Variants in EYS observed in about 807,000 individuals in gnomAD.
EYS encodes EGF-like photoreceptor maintenance factor, also known as protein eyes shut homolog.
A neutral mutation model predicts 282.1 loss-of-function variants in EYS; 250 were observed. The ratio of observed to expected loss-of-function variants is 0.89; its 90% CI spans 0.80 to 0.98. EYS has a LOEUF of 0.98. Ranked by LOEUF, EYS falls within the 50% of genes least tolerant of loss-of-function variation. The pLI, the probability that EYS is intolerant of heterozygous loss-of-function variation, is 0.00. For missense variants in EYS, 4,016 were observed against 3,709.0 expected (o/e 1.08, Z -2.15); for synonymous variants, 1,355 against 1,282.9 (o/e 1.06, Z -1.20).
chr6:64,316,545 G>A (rs1437508237), intron 29 of EYS, among the ~76,000 whole-genome samples: 4 of 151,890 alleles, frequency 2.6e-5, no homozygotes, highest in East Asian at 1.9e-4. Context: ...TACCAAACAC[G>A]GCTCAAGGAA....
At chr6:65,528,169 T>C (rs1582417963) in intron 2 of EYS, among the ~76,000 whole-genome samples, 1 of 152,162 alleles carries the variant, frequency 6.6e-6, no homozygotes, top group East Asian at 1.9e-4. Context: ...GTAGAAATAA[T>C]TTATATTTCA....
At chr6:63,766,664 A>G (rs1582186834) in intron 40 of EYS, among the ~76,000 whole-genome samples, 2 of 152,166 alleles carry the variant, frequency 1.3e-5, no homozygotes, top group South Asian at 4.1e-4. Flanking sequence ...TAGTTTCTCT[A>G]TTATGTTATA....
intron 41 of EYS, among the ~76,000 whole-genome samples, chr6:63,742,457 G>T (rs1264430039): frequency 1.3e-5 from 2 of 152,258 alleles, no homozygotes; most frequent in East Asian, 3.9e-4. Context: ...CACAGCCAAT[G>T]TCAGCTCAGC....
intron 22 of EYS, among the ~76,000 whole-genome samples, chr6:64,706,895 A>T (rs1014853066): frequency 2.0e-5 from 3 of 152,180 alleles, no homozygotes; most frequent in African/African-American, 7.2e-5. Flanking sequence ...CCACTGTGGA[A>T]AACAATGTGG....
intron 28 of EYS, among the ~76,000 whole-genome samples, chr6:64,397,518 T>C (rs1773417967): frequency 6.6e-6 from 1 of 151,160 alleles, no homozygotes; most frequent in East Asian, 1.9e-4. Flanking sequence ...TTTTGTCACA[T>C]TGTATTTTTT....
At chr6:64,902,532 C>A in intron 16 of EYS, 32 bp from the exon 17 acceptor site, 1 of 1,295,942 alleles carries the variant, frequency 7.7e-7, no homozygotes, top group South Asian at 1.5e-5. Context: ...TATGGATGAG[C>A]AATCCTTGTT....
At chr6:65,212,590 C>A (rs1008942264) in intron 12 of EYS, among the ~76,000 whole-genome samples, 2 of 152,028 alleles carry the variant, frequency 1.3e-5, no homozygotes, top group African/African-American at 4.8e-5. Flanking sequence ...AGTCACATTT[C>A]AAGGGCTTAA....
At chr6:65,034,156 C>T (rs932016079) in intron 13 of EYS, among the ~76,000 whole-genome samples, 3 of 152,104 alleles carry the variant, frequency 2.0e-5, no homozygotes, top group South Asian at 2.1e-4. Context: ...CAATGTTTAC[C>T]CAATGCCTAT....
chr6:64,321,272 T>G (rs1770211037), intron 29 of EYS, among the ~76,000 whole-genome samples: 1 of 151,754 alleles, frequency 6.6e-6, no homozygotes, highest in Non-Finnish European at 1.5e-5. Flanking sequence ...TTTACTTTAT[T>G]GCTCTCCTAT....
At position 64,166,952 on chromosome 6, in the gene EYS, G is replaced by A. The variant is rs576126162; in HGVS notation, c.6424+63640C>T. On this transcript the variant is annotated intron_variant, in intron 31 of 42. Transcript: ENST00000503581. Reference sequence around the variant, plus strand: ...CTGTGATAAAAATTTTGCTAAAGTTGTAGAATCACAGTTTATAAAATAACA... The same window carrying A: ...CTGTGATAAAAATTTTGCTAAAGTTATAGAATCACAGTTTATAAAATAACA... Among the ~76,000 whole-genome samples the A allele has an allele frequency of 5.9e-5, 9 of 152,274 alleles. No individual in the cohort carries two copies. The South Asian group carries it at 1.9e-3, about 32-fold the overall frequency.
At chr6:65,093,384 A>G (rs1324864692) in intron 12 of EYS, among the ~76,000 whole-genome samples, 1 of 152,034 alleles carries the variant, frequency 6.6e-6, no homozygotes, top group East Asian at 1.9e-4. Context: ...ATACTGTAAT[A>G]CCATAATGAT....
intron 14 of EYS, among the ~76,000 whole-genome samples, 198 bp from the exon 15 acceptor site, chr6:64,946,112 T>C (rs369269135): frequency 6.6e-6 from 1 of 152,036 alleles, no homozygotes; most frequent in East Asian, 1.9e-4. Flanking sequence ...TCTAATTAAA[T>C]AAAGTTTTGT....
At chr6:64,189,129 G>A (rs1437736049) in intron 31 of EYS, among the ~76,000 whole-genome samples, 2 of 127,372 alleles carry the variant, frequency 1.6e-5, no homozygotes, top group African/African-American at 5.2e-5. Flanking sequence ...GCCCTGTTTT[G>A]AGAATAGCTG....
At chr6:65,066,364 C>G (rs1773747017) in intron 12 of EYS, among the ~76,000 whole-genome samples, 1 of 152,118 alleles carries the variant, frequency 6.6e-6, no homozygotes, top group Non-Finnish European at 1.5e-5. Flanking sequence ...TTGGTAATAA[C>G]AAGATTACTC....
intron 26 of EYS, among the ~76,000 whole-genome samples, chr6:64,473,324 C>T (rs1439349452): frequency 6.6e-6 from 1 of 152,060 alleles, no homozygotes; most frequent in Non-Finnish European, 1.5e-5. Flanking sequence ...CAGCATTTAT[C>T]TTAATGTGAA....
intron 35 of EYS, among the ~76,000 whole-genome samples, chr6:63,945,516 T>C (rs1183886621): frequency 6.6e-6 from 1 of 152,122 alleles, no homozygotes; most frequent in African/African-American, 2.4e-5. Context: ...TGGCAAAATA[T>C]TCAGAGTAAT....
chr6:64,571,608 C>T (rs575999574), intron 26 of EYS, among the ~76,000 whole-genome samples: 10 of 152,090 alleles, frequency 6.6e-5, no homozygotes, highest in Non-Finnish European at 1.5e-4. Context: ...CACCACTGAT[C>T]CCACAGAAAT....
At chr6:64,369,588 G>A (rs913716517) in intron 29 of EYS, among the ~76,000 whole-genome samples, 5 of 151,984 alleles carry the variant, frequency 3.3e-5, no homozygotes, top group Admixed American at 3.3e-4. Flanking sequence ...GTTTCTTTGA[G>A]CAATGATTTG....
At chr6:65,259,961 C>T (rs72883272) in intron 12 of EYS, among the ~76,000 whole-genome samples, 6 of 151,896 alleles carry the variant, frequency 4.0e-5, no homozygotes, top group East Asian at 3.9e-4. Context: ...CTTTAATTTA[C>T]GCAATATATT....
Sources: allele counts gnomAD v4.1 joint callset (sites outside exome capture counted in the v4.1 genomes callset), GRCh38; gene constraint gnomAD v4.1.1; transcripts MANE v1.5; gene names NCBI Gene and HGNC (gene_info 2026-07-23, HGNC 2026-07-21).